The following SNF8 variants were observed in gnomAD, a reference collection of about 807,000 sequenced individuals.
SNF8 encodes vacuolar-sorting protein SNF8.
A neutral mutation model predicts 36.8 loss-of-function variants in SNF8; 19 were observed. The ratio of observed to expected loss-of-function variants is 0.52; its 90% CI spans 0.36 to 0.76. The LOEUF (loss-of-function observed/expected upper bound fraction) is 0.76. Among genes scored for constraint, SNF8 ranks in the 30% least tolerant of loss-of-function variants. The probability of loss-of-function intolerance (pLI) is 0.00; values close to 1 mark genes in which losing one functional copy is unlikely to be tolerated. For missense variants in SNF8, 268 were observed against 322.9 expected (o/e 0.83, Z 1.30); for synonymous variants, 127 against 127.4 (o/e 1.00, Z 0.02).
chr17:48,943,661 T>C (rs1384373679), intron 2 of SNF8, among the ~76,000 whole-genome samples: 1 of 152,092 alleles, frequency 6.6e-6, no homozygotes, highest in Non-Finnish European at 1.5e-5. Context: ...TCCTTCCTTA[T>C]GGGACTGTAA....
chr17:48,940,377 A>G (rs1235993162), intron 3 of SNF8, among the ~76,000 whole-genome samples: 3 of 152,070 alleles, frequency 2.0e-5, no homozygotes, highest in Non-Finnish European at 4.4e-5. Flanking sequence ...GGAAAATGCC[A>G]TAAAAAATTC....
Position 48,944,697 on chromosome 17 carries a change from T to C in SNF8, c.38A>G (p.Lys13Arg), listed in dbSNP as rs971335840. The C allele has an allele frequency of 6.2e-7, 1 of 1,612,346 alleles. No homozygotes were observed. The highest frequency in any genetic ancestry group is 1.1e-5 in the South Asian group (1 of 90,990). ...RRGVGAGAIA[K>R]KKLAEAKYKE... Reference sequence around the variant, plus strand: ...CCTGCTCACCTCTGCAAGTTTCTTCTTGGCGATGGCGCCAGCTCCCACCCC... The same window carrying C: ...CCTGCTCACCTCTGCAAGTTTCTTCCTGGCGATGGCGCCAGCTCCCACCCC... Residue 13 changes from lysine (K) to arginine (R), a missense_variant, in exon 1 of 8, where the codon AAG (lysine) becomes AGG (arginine). Coordinates refer to ENST00000502492, the MANE Select transcript of SNF8 (RefSeq NM_007241.4).
chr17:48,933,327 T>A lies in SNF8; in HGVS notation c.442A>T (p.Ile148Phe). 6.2e-7 allele frequency: 1 copy of A among 1,614,202 alleles called. No individual in the cohort carries two copies. Among genetic ancestry groups the A allele is most frequent in the South Asian group, 1.1e-5 (1 of 91,086 alleles). ...DVSQDDLIRA[I>F]KKLKALGTGF... The stretch of plus-strand genomic sequence containing the variant: ...GTGCCAAGTGCCTTTAGTTTCTTGA[T>A]GGCTCTGATCAGGTCATCTCTGAGG... The change falls in exon 6 of 8, where the codon ATC (isoleucine) becomes TTC (phenylalanine). Residue 148 changes from isoleucine to phenylalanine, a missense_variant. By Grantham distance (21) the Ile-to-Phe change is conservative. Coordinates refer to ENST00000502492, the MANE Select transcript of SNF8 (RefSeq NM_007241.4).
At chr17:48,932,966 CTG>C (rs2040881325) in intron 6 of SNF8, 1 of 423,716 alleles carries the variant, frequency 2.4e-6, no homozygotes, top group African/African-American at 2.0e-5. Flanking sequence ...CCTGACTAGA[CTG>C]TAAGCTCCTT....
At chr17:48,931,174 G>A (rs1034288518) in intron 7 of SNF8, among the ~76,000 whole-genome samples, 33 of 152,260 alleles carry the variant, frequency 2.2e-4, no homozygotes, top group African/African-American at 7.5e-4. Flanking sequence ...TACTGAAGCC[G>A]GAGTTCTTAC....
chr17:48,934,141 T>C (rs1308975591), intron 5 of SNF8, among the ~76,000 whole-genome samples: 3 of 152,148 alleles, frequency 2.0e-5, no homozygotes, highest in Admixed American at 6.6e-5. Flanking sequence ...TTAAAACCTC[T>C]GCCAAAGCTC....
chr17:48,930,445 G>A lies in SNF8; in HGVS notation c.*30C>T, dbSNP rs1303116965. ...TATTTGCCACCTCCGCCTCCTCCCT[G>A]CCTGCTGCTGTGTGCCCTTCCACAT... On this transcript the variant is annotated 3_prime_UTR_variant, in exon 8 of 8. Coordinates refer to ENST00000502492, the MANE Select transcript of SNF8 (RefSeq NM_007241.4). The A allele has an allele frequency of 1.3e-6, 2 of 1,513,416 alleles. No homozygotes were observed. The highest frequency in any genetic ancestry group is 1.8e-6 in the Non-Finnish European group (2 of 1,121,168). The allele number at this position is 1,513,416 out of a possible 1,614,324, so 93.7% of individuals were successfully genotyped here.
chr17:48,937,411 C>T (rs1306089700), intron 3 of SNF8: 5 of 469,578 alleles, frequency 1.1e-5, no homozygotes, highest in African/African-American at 2.0e-5. Context: ...GTGGATCGCT[C>T]GAGACCAAGA....
At chr17:48,931,575 T>G in intron 7 of SNF8, 68 bp downstream of exon 7, 1 of 1,302,070 alleles carries the variant, frequency 7.7e-7, no homozygotes, top group Non-Finnish European at 1.1e-6. Context: ...AGTTCCTGCA[T>G]TTGTGGAACC....
intron 7 of SNF8, 74 bp downstream of exon 7, chr17:48,931,568 TC>T (rs2040859442): frequency 1.6e-6 from 2 of 1,215,066 alleles, no homozygotes; most frequent in Non-Finnish European, 2.4e-6. Flanking sequence ...ATGCTGAAGT[TC>T]CTGCATTTGT....
At chr17:48,939,583 C>G (rs2143812728) in intron 3 of SNF8, among the ~76,000 whole-genome samples, 1 of 151,326 alleles carries the variant, frequency 6.6e-6, no homozygotes, top group African/African-American at 2.4e-5. Context: ...CTTCAGCCTC[C>G]CGAGTAGCTG....
chr17:48,939,748 G>A (rs983746686), intron 3 of SNF8, among the ~76,000 whole-genome samples: 8 of 151,922 alleles, frequency 5.3e-5, no homozygotes, highest in South Asian at 2.1e-4. Flanking sequence ...GTGAGCCACC[G>A]CGCCCGGTGA....
At position 48,933,438 on chromosome 17, in the gene SNF8, A is replaced by G. The variant is rs1422564218; in HGVS notation, c.423-92T>C. 2.5e-6 allele frequency: 3 copies of G among 1,213,144 alleles called. No homozygotes were observed. The South Asian group carries it at 4.0e-5, about 16-fold the overall frequency. The allele number at this position is 1,213,144 out of a possible 1,614,324, so 75.1% of individuals were successfully genotyped here. Reference sequence around the variant, plus strand: ...TGCCCTGGGCAGGATACTGACAGAAAATTTAGAAGACTGCACAACTGCCAG... The same window carrying G: ...TGCCCTGGGCAGGATACTGACAGAAGATTTAGAAGACTGCACAACTGCCAG... On this transcript the variant is annotated intron_variant, in intron 5 of 7. Transcript: ENST00000502492.
At chr17:48,936,045 T>A in intron 5 of SNF8, 125 bp downstream of exon 5, 1 of 638,872 alleles carries the variant, frequency 1.6e-6, no homozygotes, top group Non-Finnish European at 2.7e-6. Flanking sequence ...TTTTTTTTCC[T>A]GTATGATATG....
intron 5 of SNF8, chr17:48,933,604 G>T (rs760853678): frequency 7.3e-6 from 3 of 411,312 alleles, no homozygotes; most frequent in Non-Finnish European, 1.3e-5. Context: ...AGCAGGGCAT[G>T]GTGGCAATCG....
intron 7 of SNF8, among the ~76,000 whole-genome samples, chr17:48,931,392 G>A (rs1054419904): frequency 1.3e-5 from 2 of 152,218 alleles, no homozygotes; most frequent in African/African-American, 2.4e-5. Flanking sequence ...GTTCAGGAGA[G>A]AGAGTGTCAG....
intron 5 of SNF8, chr17:48,934,464 GC>G: frequency 4.6e-6 from 1 of 217,856 alleles, no homozygotes; most frequent in Non-Finnish European, 9.5e-6. Flanking sequence ...CTAGCAGGGC[GC>G]CAGTGGCAGG....
rs1297894989 is a variant in SNF8, at chr17:48,937,016, T to A, written c.349+4A>T. 3 of 1,608,672 alleles carry A rather than the reference T, an allele frequency of 1.9e-6. No individual in the cohort carries two copies. In the South Asian group the frequency reaches 3.3e-5, roughly 18 times the overall value. ...TCCAGTTCACAGGACCTAGCCACCC[T>A]CACCTCCATTCCGATGCTTCAGCGC... On this transcript the variant is annotated splice_donor_region_variant and intron_variant, in intron 4 of 7. Coordinates refer to ENST00000502492, the MANE Select transcript of SNF8 (RefSeq NM_007241.4).
intron 1 of SNF8, 85 bp from the exon 2 acceptor site, chr17:48,944,060 T>TC: frequency 1.5e-6 from 2 of 1,308,576 alleles, no homozygotes; most frequent in Non-Finnish European, 2.2e-6. Context: ...TCCCAGAACT[T>TC]TGGGACGCCG....
Sources: gnomAD v4.1 joint callset for allele counts (sites outside exome capture counted in the v4.1 genomes callset) on GRCh38, gnomAD v4.1.1 for gene constraint, MANE v1.5 for transcripts, NCBI Gene and HGNC (gene_info 2026-07-23, HGNC 2026-07-21) for gene names.